The following ERBB4 variants were observed in gnomAD, a reference collection of about 807,000 sequenced individuals.
ERBB4 encodes receptor tyrosine-protein kinase erbB-4.
ERBB4 carries 42 observed loss-of-function variants against 158.0 expected under a neutral mutation model. The ratio of observed to expected loss-of-function variants is 0.27; its 90% CI spans 0.21 to 0.34. ERBB4 has a LOEUF of 0.34. Ranked by LOEUF, ERBB4 falls within the 10% of genes least tolerant of loss-of-function variation. The pLI is 1.00. For synonymous variants in ERBB4, 583 were observed against 558.7 expected, an observed-to-expected ratio of 1.04 and a Z score of -0.61; for missense variants, 1,333 against 1,624.1, an observed-to-expected ratio of 0.82 and a Z score of 3.08.
chr2:212,533,931 T>C (rs968404203), intron 1 of ERBB4, among the ~76,000 whole-genome samples: 3 of 152,158 alleles, frequency 2.0e-5, no homozygotes, highest in Non-Finnish European at 4.4e-5. Context: ...CTAATTTCAG[T>C]ACAAATATTA....
At chr2:211,508,995 T>C (rs1331826156) in intron 20 of ERBB4, among the ~76,000 whole-genome samples, 1 of 152,066 alleles carries the variant, frequency 6.6e-6, no homozygotes, top group Admixed American at 6.5e-5. Flanking sequence ...CATGGAATAC[T>C]ATGCAGCCAT....
intron 2 of ERBB4, among the ~76,000 whole-genome samples, chr2:212,009,063 TTTTC>T: frequency 8.4e-6 from 1 of 119,300 alleles, no homozygotes; most frequent in African/African-American, 2.9e-5. Context: ...AGTTATATGT[TTTTC>T]TAAACAGAAA....
chr2:212,018,459 T>C (rs2076575732), intron 2 of ERBB4, among the ~76,000 whole-genome samples: 1 of 152,200 alleles, frequency 6.6e-6, no homozygotes, highest in African/African-American at 2.4e-5. Context: ...TCTACCTTGA[T>C]GTATTTGGAA....
intron 1 of ERBB4, among the ~76,000 whole-genome samples, chr2:212,243,049 C>T (rs2084173497): frequency 6.6e-6 from 1 of 152,156 alleles, no homozygotes; most frequent in Non-Finnish European, 1.5e-5. Flanking sequence ...GAGTTCTCTT[C>T]AGCTTTATTC....
intron 19 of ERBB4, among the ~76,000 whole-genome samples, chr2:211,606,447 A>ATT (rs5838273): frequency 8.6e-5 from 13 of 151,324 alleles, no homozygotes; most frequent in Admixed American, 2.6e-4. Context: ...GATTTGGAAA[A>ATT]TTTTTTTTTC....
chr2:212,347,482 T>G (rs868015490), intron 1 of ERBB4, among the ~76,000 whole-genome samples: 3 of 152,134 alleles, frequency 2.0e-5, no homozygotes, highest in African/African-American at 4.8e-5. Flanking sequence ...GGAATAGAAA[T>G]AGTGTGACTT....
chr2:212,282,591 T>G (rs923142004), intron 1 of ERBB4, among the ~76,000 whole-genome samples: 3 of 151,932 alleles, frequency 2.0e-5, no homozygotes, highest in Non-Finnish European at 4.4e-5. Context: ...TTATTTACTA[T>G]GGACAAAAAT....
intron 23 of ERBB4, among the ~76,000 whole-genome samples, chr2:211,422,468 G>C (rs1159798961): frequency 7.0e-6 from 1 of 142,154 alleles, no homozygotes; most frequent in East Asian, 2.0e-4. Context: ...ACTTTCTTGT[G>C]CTACATTTGT....
At chr2:212,220,513 A>G (rs1442220377) in intron 1 of ERBB4, among the ~76,000 whole-genome samples, 1 of 151,440 alleles carries the variant, frequency 6.6e-6, no homozygotes, top group Non-Finnish European at 1.5e-5. Flanking sequence ...ATGAATAGGA[A>G]TATAGCATTC....
intron 1 of ERBB4, among the ~76,000 whole-genome samples, chr2:212,155,270 A>G (rs1286852029): frequency 6.6e-6 from 1 of 152,048 alleles, no homozygotes; most frequent in African/African-American, 2.4e-5. Flanking sequence ...TAAATACTGT[A>G]TGTATAACAT....
At chr2:211,779,571 C>T (rs981850370) in intron 4 of ERBB4, 1 of 152,148 alleles carries the variant, frequency 6.6e-6, no homozygotes, top group African/African-American at 2.4e-5. Context: ...ATGCATACAC[C>T]ACGTGAAATA....
At chr2:212,124,989 C>T (rs566067844) in intron 1 of ERBB4, 86 bp from the exon 2 acceptor site, 3 of 1,462,268 alleles carry the variant, frequency 2.1e-6, no homozygotes, top group African/African-American at 2.8e-5. Flanking sequence ...ACTCTCTATT[C>T]CACAAGCCTA....
intron 20 of ERBB4, among the ~76,000 whole-genome samples, chr2:211,541,956 T>C (rs1244640802): frequency 6.6e-6 from 1 of 152,024 alleles, no homozygotes; most frequent in African/African-American, 2.4e-5. Context: ...AAAGACTGAC[T>C]GGAGCAAAAC....
At chr2:211,844,066 T>C (rs73071324) in intron 3 of ERBB4, among the ~76,000 whole-genome samples, 2,078 of 152,188 alleles carry the variant, frequency 0.014, 55 homozygotes, top group African/African-American at 0.048. Flanking sequence ...ACAGACTTCG[T>C]CAAATAAAAT....
chr2:211,962,901 T>G (rs932867230), intron 2 of ERBB4, among the ~76,000 whole-genome samples: 10 of 152,124 alleles, frequency 6.6e-5, no homozygotes, highest in Non-Finnish European at 1.3e-4. Context: ...TATATGAACT[T>G]TCGGTTATCT....
intron 13 of ERBB4, among the ~76,000 whole-genome samples, chr2:211,678,412 G>T (rs1309275051): frequency 6.6e-6 from 1 of 151,754 alleles, no homozygotes; most frequent in Admixed American, 6.6e-5. Context: ...ACATGGAGAG[G>T]AAGATTACTT....
intron 1 of ERBB4, among the ~76,000 whole-genome samples, chr2:212,440,454 C>T (rs1204701091): frequency 6.6e-6 from 1 of 152,158 alleles, no homozygotes; most frequent in Non-Finnish European, 1.5e-5. Flanking sequence ...TTGCAGGCAG[C>T]CTGTTGTGGG....
chr2:211,941,036 T>TAGAA (rs2080479495), intron 3 of ERBB4, among the ~76,000 whole-genome samples: 1 of 152,168 alleles, frequency 6.6e-6, no homozygotes, highest in Non-Finnish European at 1.5e-5. Flanking sequence ...CTCCTTTTTC[T>TAGAA]AGTCAATACA....
chr2:212,066,430 G>C (rs1196924431), intron 2 of ERBB4, among the ~76,000 whole-genome samples: 1 of 151,942 alleles, frequency 6.6e-6, no homozygotes, highest in East Asian at 1.9e-4. Context: ...GTACAAAAGA[G>C]AAATATTGGG....
Sources: allele counts gnomAD v4.1 joint callset (sites outside exome capture counted in the v4.1 genomes callset), GRCh38; gene constraint gnomAD v4.1.1; transcripts MANE v1.5; gene names NCBI Gene and HGNC (gene_info 2026-07-23, HGNC 2026-07-21).